The following ABCA5 variants were observed in gnomAD, a reference collection of about 807,000 sequenced individuals.
ABCA5 encodes ATP binding cassette subfamily A member 5, also known as cholesterol transporter ABCA5.
A neutral mutation model predicts 206.0 loss-of-function variants in ABCA5; 163 were observed. That is an observed-to-expected ratio of 0.79 (90% CI 0.70 to 0.90). ABCA5 has a LOEUF of 0.90. Ranked by LOEUF, ABCA5 falls within the 40% of genes least tolerant of loss-of-function variation. The pLI is 0.00. For missense variants in ABCA5, 1,859 were observed against 1,912.9 expected (o/e 0.97, Z 0.53); for synonymous variants, 609 against 613.8 (o/e 0.99, Z 0.11).
In ABCA5 at chr17:69,245,145, T is replaced by C. The variant is rs1223354042; in HGVS notation, c.*2392A>G. On this transcript the variant is annotated 3_prime_UTR_variant, in exon 39 of 39. Coordinates refer to ENST00000392676, the MANE Select transcript of ABCA5 (RefSeq NM_172232.4). ...CAAATTTAAAAGAAAAAAATTATTT[T>C]AAAGAAAACCCACTGTCTTTACTGA... is the stretch of plus-strand genomic sequence containing the variant. 2 of 151,562 alleles carry C rather than the reference T, an allele frequency of 1.3e-5. No individual in the cohort carries two copies. The highest frequency in any genetic ancestry group is 3.0e-5 in the Non-Finnish European group (2 of 67,752). The allele number at this position is 151,562 out of a possible 1,614,324, so 9.4% of individuals were successfully genotyped here.
chr17:69,263,201 A>T (rs147788793), intron 24 of ABCA5, among the ~76,000 whole-genome samples: 2 of 152,108 alleles, frequency 1.3e-5, no homozygotes, highest in Admixed American at 1.3e-4. Context: ...CTCTGTTGAT[A>T]GTTTCTTTTG....
chr17:69,302,102 T>C (rs1211865989), intron 8 of ABCA5, among the ~76,000 whole-genome samples: 1 of 152,194 alleles, frequency 6.6e-6, no homozygotes, highest in Non-Finnish European at 1.5e-5. Context: ...AGTAATTTCT[T>C]ATATTTAGTA....
intron 26 of ABCA5, 51 bp from the exon 27 acceptor site, chr17:69,260,463 TG>T (rs2075135122): frequency 1.7e-6 from 2 of 1,198,794 alleles, no homozygotes; most frequent in African/African-American, 3.1e-5. Flanking sequence ...TAGAAATATT[TG>T]GATTAAAATG....
Position 69,306,765 on chromosome 17 carries a change from C to T in ABCA5, c.748G>A (p.Glu250Lys). Residue 250 changes from glutamate to lysine, a missense_variant, in exon 6 of 39, where the codon GAA becomes AAA. By Grantham distance (56) the Glu-to-Lys change is moderately conservative. Coordinates refer to ENST00000392676, the MANE Select transcript of ABCA5 (RefSeq NM_172232.4). ...IVAEKEKKIK[E>K]FLKIMGLHDT... ...TGAAGTCCCATTATCTTTAAAAATT[C>T]TTTTATTTTTTTTTCTTTTTCTGCT... is the stretch of plus-strand genomic sequence containing the variant. The T allele has an allele frequency of 6.4e-7, 1 of 1,560,614 alleles. No individual in the cohort carries two copies. Among genetic ancestry groups the T allele is most frequent in the Non-Finnish European group, 8.7e-7 (1 of 1,153,146 alleles).
In ABCA5 at chr17:69,261,277, T is replaced by C; in HGVS notation, c.3430-18A>G. The C allele has an allele frequency of 6.3e-7, 1 of 1,578,290 alleles. No individual in the cohort carries two copies. On this transcript the variant is annotated intron_variant, in intron 25 of 38. Transcript: ENST00000392676. ...AACGCTGCCTAAAGAAAAAAATAAATAAATAAAAGTGACAAAGTGTTTAGA... is the reference window on the plus strand; with the variant it reads ...AACGCTGCCTAAAGAAAAAAATAAACAAATAAAAGTGACAAAGTGTTTAGA...
At chr17:69,299,038 A>T (rs1462340194) in intron 9 of ABCA5, among the ~76,000 whole-genome samples, 1 of 152,228 alleles carries the variant, frequency 6.6e-6, no homozygotes, top group African/African-American at 2.4e-5. Context: ...AATAAGATAT[A>T]CAAATGGCCA....
At chr17:69,290,139 A>G (rs1477217823) in intron 12 of ABCA5, 102 bp from the exon 13 acceptor site, 11 of 762,684 alleles carry the variant, frequency 1.4e-5, no homozygotes, top group Non-Finnish European at 2.1e-5. Flanking sequence ...CAGACATATA[A>G]GGTAAAAATT....
chr17:69,297,130 AT>A, intron 10 of ABCA5, 60 bp downstream of exon 10: 2 of 1,463,720 alleles, frequency 1.4e-6, no homozygotes, highest in Non-Finnish European at 1.9e-6. Context: ...TATTTAAAGA[AT>A]AGGATTTAAA....
At chr17:69,250,068 C>A in intron 36 of ABCA5, 84 bp from the exon 37 acceptor site, 1 of 885,654 alleles carries the variant, frequency 1.1e-6, no homozygotes. Flanking sequence ...GTTTAAAATT[C>A]AAAATTAAAT....
intron 25 of ABCA5, 86 bp downstream of exon 25, chr17:69,261,549 C>T (rs1598155007): frequency 1.7e-6 from 1 of 582,616 alleles, no homozygotes; most frequent in Non-Finnish European, 2.8e-6. Flanking sequence ...TTACAAAAGA[C>T]ATGTAACATT....
At chr17:69,314,115 T>A (rs2075794405) in intron 2 of ABCA5, among the ~76,000 whole-genome samples, 199 bp downstream of exon 2, 1 of 152,202 alleles carries the variant, frequency 6.6e-6, no homozygotes, top group African/African-American at 2.4e-5. Context: ...GAAATTATTA[T>A]TAAAATTTTT....
rs570711726 is a variant in ABCA5, at chr17:69,247,481, G to C, written c.*56C>G. On this transcript the variant is annotated 3_prime_UTR_variant, in exon 39 of 39. Coordinates refer to ENST00000392676, the MANE Select transcript of ABCA5 (RefSeq NM_172232.4). ...CCAATAAAAAACTTTTTAAACCAAA[G>C]TTAAAATTAAGTGAAAAAGAAAGAA... 2 of 1,291,252 alleles carry C rather than the reference G, an allele frequency of 1.5e-6. No homozygotes were observed. Among genetic ancestry groups the C allele is most frequent in the African/African-American group, 3.1e-5 (2 of 64,906 alleles). 80.0% of individuals were successfully genotyped at this position (1,291,252 alleles called of 1,614,324 possible).
At chr17:69,317,440 T>C (rs1271695376) in intron 1 of ABCA5, among the ~76,000 whole-genome samples, 2 of 145,546 alleles carry the variant, frequency 1.4e-5, no homozygotes, top group Non-Finnish European at 3.0e-5. Context: ...AGTACTGCTA[T>C]ATGCTACAAT....
At chr17:69,286,954 G>C (rs1350790834) in intron 15 of ABCA5, among the ~76,000 whole-genome samples, 4 of 152,152 alleles carry the variant, frequency 2.6e-5, no homozygotes, top group African/African-American at 4.8e-5. Flanking sequence ...CCTTAGAAAG[G>C]CCTGCTTACA....
chr17:69,308,121 A>G (rs2075736417), intron 5 of ABCA5, among the ~76,000 whole-genome samples, 159 bp downstream of exon 5: 1 of 45,040 alleles, frequency 2.2e-5, no homozygotes, highest in African/African-American at 5.3e-5. Context: ...GTACCAAATC[A>G]GAAAATATGA....
intron 28 of ABCA5, among the ~76,000 whole-genome samples, chr17:69,257,753 GAAAGAGAA>G (rs1414104098): frequency 6.6e-6 from 1 of 151,170 alleles, no homozygotes; most frequent in African/African-American, 2.4e-5. Context: ...ATCTAGAAAG[GAAAGAGAA>G]AAAGAGAAAA....
At chr17:69,272,096 G>C (rs945248471) in intron 20 of ABCA5, among the ~76,000 whole-genome samples, 2 of 152,188 alleles carry the variant, frequency 1.3e-5, no homozygotes, top group African/African-American at 4.8e-5. Flanking sequence ...TAACTGAATA[G>C]TATGGCAGGG....
intron 7 of ABCA5, among the ~76,000 whole-genome samples, chr17:69,303,829 T>TATAC (rs2075684344): frequency 1.4e-4 from 2 of 14,596 alleles, no homozygotes; most frequent in South Asian, 3.9e-3. Flanking sequence ...TATATATGTA[T>TATAC]ATATATATAT....
intron 19 of ABCA5, among the ~76,000 whole-genome samples, chr17:69,275,442 A>C (rs1424920316): frequency 6.6e-6 from 1 of 152,098 alleles, no homozygotes; most frequent in Admixed American, 6.6e-5. Context: ...CATACCCCGT[A>C]ATTTTTTTAA....
Sources: gnomAD v4.1 joint callset for allele counts (sites outside exome capture counted in the v4.1 genomes callset) on GRCh38, gnomAD v4.1.1 for gene constraint, MANE v1.5 for transcripts, NCBI Gene and HGNC (gene_info 2026-07-23, HGNC 2026-07-21) for gene names.